ARHGAP20: variants seen among roughly 807,000 people sequenced by gnomAD.
ARHGAP20 encodes Rho GTPase activating protein 20, also known as rho GTPase-activating protein 20.
ARHGAP20 carries 34 observed loss-of-function variants against 73.7 expected under a neutral mutation model. That is an observed-to-expected ratio of 0.46 (90% CI 0.35 to 0.61). The LOEUF is 0.61. Ranked by LOEUF, ARHGAP20 falls within the 20% of genes least tolerant of loss-of-function variation. The probability of loss-of-function intolerance (pLI) is 0.00; values close to 1 mark genes in which losing one functional copy is unlikely to be tolerated. For synonymous variants in ARHGAP20, 523 were observed against 518.2 expected (o/e 1.01, Z -0.13); for missense variants, 1,314 against 1,420.9 (o/e 0.92, Z 1.21).
At chr11:110,609,428 A>G (rs921760963) in intron 7 of ARHGAP20, among the ~76,000 whole-genome samples, 1 of 152,166 alleles carries the variant, frequency 6.6e-6, no homozygotes, top group African/African-American at 2.4e-5. Context: ...TTAAAAAGTA[A>G]TATCTCAAAG....
At chr11:110,663,487 ATAACT>A (rs948279279) in intron 2 of ARHGAP20, among the ~76,000 whole-genome samples, 6 of 151,856 alleles carry the variant, frequency 4.0e-5, no homozygotes, top group African/African-American at 1.4e-4. Flanking sequence ...TATAAATTAG[ATAACT>A]TAACTGAAAT....
At position 110,580,942 on chromosome 11, in the gene ARHGAP20, G is replaced by A; in HGVS notation, c.2004C>T (p.Ile668=). ...KPVNILVYTK[I]PLRDHARAPS... is the part of the protein sequence containing the mutation. ...GGGCCCTGGCATGATCCCGCAGTGG[G>A]ATCTTTGTGTACACTAAAATGTTCA... is the stretch of plus-strand genomic sequence containing the variant. Residue 668 remains isoleucine (I), a synonymous_variant, in exon 15 of 15, where the codon ATC becomes ATT. Coordinates refer to ENST00000683387, the MANE Select transcript of ARHGAP20 (RefSeq NM_001384657.1). 6.2e-7 allele frequency: 1 copy of A among 1,614,170 alleles called. No homozygotes were observed. Among genetic ancestry groups the A allele is most frequent in the Non-Finnish European group, 8.5e-7 (1 of 1,179,978 alleles).
intron 2 of ARHGAP20, among the ~76,000 whole-genome samples, chr11:110,689,207 T>C (rs1023585401): frequency 6.6e-6 from 1 of 152,004 alleles, no homozygotes; most frequent in African/African-American, 2.4e-5. Context: ...TTCAACATGT[T>C]AGCCAGGATG....
Position 110,690,429 on chromosome 11 carries a change from T to G in ARHGAP20, c.188+118A>C. On this transcript the variant is annotated intron_variant, in intron 2 of 14. Coordinates refer to ENST00000683387, the MANE Select transcript of ARHGAP20 (RefSeq NM_001384657.1). The stretch of plus-strand genomic sequence containing the variant: ...TGTATTTTCTACTCTTAAACAGAAT[T>G]CTGGTGCTGATAACAAACAACCTCT... 6 of 972,188 alleles carry G rather than the reference T, an allele frequency of 6.2e-6. 1 individual carries two copies. In the Middle Eastern group the frequency reaches 1.3e-3, roughly 217 times the overall value. 60.2% of individuals were successfully genotyped at this position (972,188 alleles called of 1,614,324 possible). A position where few individuals can be genotyped will look rare whatever the true frequency, so the allele number is the denominator to read the frequency against.
chr11:110,619,639 CAGTGATAGAGTATATGT>C (rs1565442167), intron 4 of ARHGAP20, among the ~76,000 whole-genome samples: 35 of 146,080 alleles, frequency 2.4e-4, no homozygotes, highest in South Asian at 6.6e-4. Context: ...AGAGTATATG[CAGTGATAGAGTATATGT>C]AGTGATAGAG....
intron 13 of ARHGAP20, among the ~76,000 whole-genome samples, 176 bp downstream of exon 13, chr11:110,583,372 T>C (rs113591478): frequency 7.2e-5 from 11 of 152,302 alleles, no homozygotes; most frequent in African/African-American, 2.6e-4. Context: ...AAGTAACCCA[T>C]CTGCTATCAT....
rs115538678 is a variant in ARHGAP20 at position 110,665,941 on chromosome 11, T to G, written c.188+24606A>C. 1.7e-3 allele frequency among the ~76,000 whole-genome samples: 258 copies of G among 151,970 alleles called. 1 individual carries two copies. Among genetic ancestry groups the G allele is most frequent in the African/African-American group, 6.0e-3 (248 of 41,458 alleles). ...ATCTCGAGAAATGCTACCAGATAAGTGAATTTAATATGGTCACTGGATACA... is the reference window on the plus strand; with the variant it reads ...ATCTCGAGAAATGCTACCAGATAAGGGAATTTAATATGGTCACTGGATACA... On this transcript the variant is annotated intron_variant, in intron 2 of 14. Coordinates refer to ENST00000683387, the MANE Select transcript of ARHGAP20 (RefSeq NM_001384657.1).
chr11:110,607,460 C>G (rs1948260286), intron 8 of ARHGAP20, among the ~76,000 whole-genome samples: 1 of 152,188 alleles, frequency 6.6e-6, no homozygotes, highest in Non-Finnish European at 1.5e-5. Flanking sequence ...ATGATTTTAA[C>G]TCTTTAGTAT....
At chr11:110,619,429 T>A (rs969988392) in intron 4 of ARHGAP20, among the ~76,000 whole-genome samples, 23 of 151,178 alleles carry the variant, frequency 1.5e-4, no homozygotes, top group African/African-American at 5.6e-4. Context: ...AGTGGTAGAG[T>A]ATATGCAGTG....
intron 6 of ARHGAP20, among the ~76,000 whole-genome samples, chr11:110,612,245 C>T (rs1243887000): frequency 1.3e-5 from 2 of 149,262 alleles, no homozygotes; most frequent in East Asian, 4.0e-4. Context: ...GGTGAAACCC[C>T]GTCTCTACTA....
intron 2 of ARHGAP20, among the ~76,000 whole-genome samples, chr11:110,648,174 TATATATATATATATGTAA>T (rs1157540708): frequency 3.0e-4 from 16 of 53,770 alleles, no homozygotes; most frequent in South Asian, 1.9e-3. Context: ...TATATGTAAA[TATATATATATATATGTAA>T]ATATATATAT....
chr11:110,615,769 A>AT (rs2134902767), intron 4 of ARHGAP20, among the ~76,000 whole-genome samples, 175 bp from the exon 5 acceptor site: 1 of 152,354 alleles, frequency 6.6e-6, no homozygotes, highest in African/African-American at 2.4e-5. Context: ...CAGTGGAAAT[A>AT]TCCCTTTGGA....
At chr11:110,612,005 A>G (rs1948377055) in intron 6 of ARHGAP20, among the ~76,000 whole-genome samples, 1 of 152,220 alleles carries the variant, frequency 6.6e-6, no homozygotes, top group Admixed American at 6.5e-5. Context: ...TGAGTCTAGA[A>G]AAAAGAAATG....
rs557938824 is a variant in ARHGAP20, at chr11:110,700,887, A to G, written c.106-10258T>C. On this transcript the variant is annotated intron_variant, in intron 1 of 14. Transcript: ENST00000683387. ...AGTTTACTGAGAATGATGATTTCCA[A>G]TTTCATCCATGTCCCTACAAAGGAC... Among the ~76,000 whole-genome samples, 187 of 151,234 alleles carry G rather than the reference A, an allele frequency of 1.2e-3. 1 individual carries two copies. Among genetic ancestry groups the G allele is most frequent in the African/African-American group, 4.1e-3 (169 of 41,106 alleles).
At chr11:110,683,740 C>CAG (rs1468644802) in intron 2 of ARHGAP20, among the ~76,000 whole-genome samples, 5 of 152,098 alleles carry the variant, frequency 3.3e-5, no homozygotes, top group Admixed American at 6.6e-5. Flanking sequence ...TCCTATTTCA[C>CAG]AGATGAGGAA....
At chr11:110,599,295 T>C (rs892798514) in intron 9 of ARHGAP20, among the ~76,000 whole-genome samples, 1 of 152,228 alleles carries the variant, frequency 6.6e-6, no homozygotes, top group African/African-American at 2.4e-5. Context: ...GCTCTGATCA[T>C]GGTGCAAAGT....
At chr11:110,708,362 C>T (rs978156332) in intron 1 of ARHGAP20, among the ~76,000 whole-genome samples, 4 of 152,060 alleles carry the variant, frequency 2.6e-5, no homozygotes, top group African/African-American at 9.7e-5. Flanking sequence ...CAATATATAC[C>T]TAAAATATGA....
intron 11 of ARHGAP20, among the ~76,000 whole-genome samples, chr11:110,587,646 T>A (rs1436359979): frequency 6.6e-6 from 1 of 152,220 alleles, no homozygotes; most frequent in Non-Finnish European, 1.5e-5. Context: ...AGTGAACTGC[T>A]GCTAAATTGC....
intron 9 of ARHGAP20, among the ~76,000 whole-genome samples, chr11:110,595,285 C>A (rs1484915326): frequency 6.6e-6 from 1 of 152,182 alleles, no homozygotes; most frequent in Non-Finnish European, 1.5e-5. Context: ...TTTGGAAGTT[C>A]TGGCCAGGGC....
Sources: gnomAD v4.1 joint callset for allele counts (sites outside exome capture counted in the v4.1 genomes callset) on GRCh38, gnomAD v4.1.1 for gene constraint, MANE v1.5 for transcripts, NCBI Gene and HGNC (gene_info 2026-07-23, HGNC 2026-07-21) for gene names.